Variants in ASIC2 observed in about 807,000 individuals in gnomAD.
ASIC2 encodes acid-sensing ion channel 2.
Under a neutral mutation model 57.3 loss-of-function variants are expected in ASIC2, and 25 were observed. The ratio of observed to expected loss-of-function variants is 0.44; its 90% CI spans 0.32 to 0.61. The LOEUF (loss-of-function observed/expected upper bound fraction) is 0.61, where lower values mean the gene tolerates loss of function less well. Ranked by LOEUF, ASIC2 falls within the 20% of genes least tolerant of loss-of-function variation. The pLI is 0.06. For synonymous variants in ASIC2, 319 were observed against 307.5 expected (o/e 1.04, Z -0.39); for missense variants, 641 against 738.1 (o/e 0.87, Z 1.52).
At chr17:33,894,036 T>A (rs1297136215) in intron 1 of ASIC2, among the ~76,000 whole-genome samples, 3 of 152,240 alleles carry the variant, frequency 2.0e-5, no homozygotes, top group Admixed American at 1.3e-4. Flanking sequence ...AATTTTGTTT[T>A]TAAAGCTGAT....
intron 1 of ASIC2, among the ~76,000 whole-genome samples, chr17:33,313,491 C>T (rs938609374): frequency 6.6e-6 from 1 of 152,098 alleles, no homozygotes; most frequent in Non-Finnish European, 1.5e-5. Flanking sequence ...TGTCATCATC[C>T]GTTGTGTGGT....
At chr17:33,177,791 G>T (rs1302234966) in intron 1 of ASIC2, among the ~76,000 whole-genome samples, 2 of 152,240 alleles carry the variant, frequency 1.3e-5, no homozygotes, top group African/African-American at 2.4e-5. Context: ...TCTCTTACTT[G>T]CTTGCTGAAA....
At chr17:33,412,447 C>T (rs1450951343) in intron 1 of ASIC2, among the ~76,000 whole-genome samples, 1 of 152,210 alleles carries the variant, frequency 6.6e-6, no homozygotes, top group African/African-American at 2.4e-5. Flanking sequence ...CGTGTGGCCT[C>T]CTGTCCTCCC....
intron 1 of ASIC2, among the ~76,000 whole-genome samples, chr17:33,734,270 C>T (rs1306478934): frequency 6.6e-6 from 1 of 151,230 alleles, no homozygotes; most frequent in Admixed American, 6.6e-5. Flanking sequence ...GTGGCCAGCC[C>T]TTCTTCCCTT....
At chr17:33,426,545 G>T (rs1294752412) in intron 1 of ASIC2, among the ~76,000 whole-genome samples, 1 of 152,224 alleles carries the variant, frequency 6.6e-6, no homozygotes, top group Non-Finnish European at 1.5e-5. Context: ...TTCCAGGACA[G>T]GATGGATACC....
intron 1 of ASIC2, among the ~76,000 whole-genome samples, chr17:34,126,716 C>T (rs1220580975): frequency 6.6e-6 from 1 of 152,162 alleles, no homozygotes; most frequent in Non-Finnish European, 1.5e-5. Flanking sequence ...CAGGCACAGG[C>T]AGGGGATGGA....
At chr17:33,194,476 C>G (rs1225247570) in intron 1 of ASIC2, among the ~76,000 whole-genome samples, 2 of 152,122 alleles carry the variant, frequency 1.3e-5, no homozygotes, top group Non-Finnish European at 2.9e-5. Flanking sequence ...TGATGATGAT[C>G]ATGGAGGAAA....
chr17:33,770,389 T>C (rs1911060319), intron 1 of ASIC2, among the ~76,000 whole-genome samples: 1 of 152,242 alleles, frequency 6.6e-6, no homozygotes, highest in African/African-American at 2.4e-5. Flanking sequence ...AATGCATTTG[T>C]ACAGCACCTA....
intron 1 of ASIC2, among the ~76,000 whole-genome samples, chr17:33,666,719 G>A (rs1907485837): frequency 6.6e-6 from 1 of 152,114 alleles, no homozygotes; most frequent in South Asian, 2.1e-4. Flanking sequence ...ACTCTTCTGA[G>A]CAGAAGGAGC....
At chr17:33,941,024 G>A (rs979246741) in intron 1 of ASIC2, among the ~76,000 whole-genome samples, 16 of 152,240 alleles carry the variant, frequency 1.1e-4, no homozygotes, top group Admixed American at 5.2e-4. Context: ...CTCAGGCAGC[G>A]ACTGGCAGTG....
Position 33,712,635 on chromosome 17 carries a change from G to GTTTTTTTTTTTTT in ASIC2, c.555+443342_555+443343insAAAAAAAAAAAAA, listed in dbSNP as rs1567695931. On this transcript the variant is annotated intron_variant, in intron 1 of 9. Coordinates refer to the ASIC2 transcript ENST00000359872. ...CTTTGCTTCCAAGCTTACTCATATGGCTTTTTTTTTTTTTTTTTTTTTTTT... is the reference window on the plus strand; with the variant it reads ...CTTTGCTTCCAAGCTTACTCATATGGTTTTTTTTTTTTTCTTTTTTTTTTTTTTTTTTTTTTTT... Among the ~76,000 whole-genome samples the GTTTTTTTTTTTTT allele has an allele frequency of 1.0e-3, 127 of 123,300 alleles. 5 individuals are homozygous for GTTTTTTTTTTTTT. Among genetic ancestry groups the GTTTTTTTTTTTTT allele is most frequent in the African/African-American group, 3.9e-3 (122 of 30,900 alleles). The allele number at this position is 123,300 out of a possible 152,430, so 80.9% of individuals were successfully genotyped here.
chr17:34,124,783 T>C (rs1911728178), intron 1 of ASIC2, among the ~76,000 whole-genome samples: 3 of 152,070 alleles, frequency 2.0e-5, no homozygotes. Flanking sequence ...CCCCTCTTCC[T>C]GTAATGACGC....
intron 1 of ASIC2, among the ~76,000 whole-genome samples, chr17:33,434,366 T>C (rs1911530446): frequency 6.6e-6 from 1 of 152,148 alleles, no homozygotes; most frequent in Non-Finnish European, 1.5e-5. Flanking sequence ...AAACACAGTG[T>C]ACCTGAAAAA....
At chr17:33,847,926 T>C (rs766580056) in intron 1 of ASIC2, among the ~76,000 whole-genome samples, 9 of 151,520 alleles carry the variant, frequency 5.9e-5, no homozygotes, top group Non-Finnish European at 1.2e-4. Context: ...CAAATGCAAA[T>C]ATATGGGGAG....
At chr17:33,609,919 T>C (rs989490901) in intron 1 of ASIC2, among the ~76,000 whole-genome samples, 33 of 150,890 alleles carry the variant, frequency 2.2e-4, no homozygotes, top group African/African-American at 7.8e-4. Flanking sequence ...AGAACCAGAG[T>C]CTCTCTAGCT....
intron 1 of ASIC2, among the ~76,000 whole-genome samples, chr17:33,343,911 G>C (rs994444470): frequency 6.6e-6 from 1 of 152,188 alleles, no homozygotes; most frequent in Non-Finnish European, 1.5e-5. Context: ...ACTTTGTCCC[G>C]TCTACCTGGA....
chr17:33,784,004 C>G (rs1173576191), intron 1 of ASIC2, among the ~76,000 whole-genome samples: 5 of 152,208 alleles, frequency 3.3e-5, no homozygotes, highest in Non-Finnish European at 7.3e-5. Context: ...ACCAAAGGTA[C>G]AGCTCTGCCT....
chr17:33,269,697 G>A (rs1168979267), intron 1 of ASIC2, among the ~76,000 whole-genome samples: 1 of 31,410 alleles, frequency 3.2e-5, no homozygotes, highest in African/African-American at 1.0e-4. Context: ...CTGCCTGCCT[G>A]CCTGCCTGCC....
At chr17:34,067,796 T>C in intron 1 of ASIC2, among the ~76,000 whole-genome samples, 1 of 152,170 alleles carries the variant, frequency 6.6e-6, no homozygotes, top group East Asian at 1.9e-4. Context: ...AATCCCAGAT[T>C]ACAAAGTAAC....
Sources: gnomAD v4.1 joint callset for allele counts (sites outside exome capture counted in the v4.1 genomes callset) on GRCh38, gnomAD v4.1.1 for gene constraint, MANE v1.5 for transcripts, NCBI Gene and HGNC (gene_info 2026-07-23, HGNC 2026-07-21) for gene names.